IDI2: variants seen among roughly 807,000 people sequenced by gnomAD.
IDI2 encodes isopentenyl-diphosphate delta-isomerase 2.
A neutral mutation model predicts 14.8 loss-of-function variants in IDI2; 18 were observed. That is an observed-to-expected ratio of 1.22 (90% CI 0.84 to 1.80). The LOEUF is 1.80. Among genes scored for constraint, IDI2 ranks in the 40% most tolerant of loss-of-function variants. The pLI is 0.00. For missense variants in IDI2, 316 were observed against 283.2 expected, an observed-to-expected ratio of 1.12 and a Z score of -0.83; for synonymous variants, 133 against 109.6, an observed-to-expected ratio of 1.21 and a Z score of -1.33.
chr10:1,024,050 A>T (rs1369253232), intron 2 of IDI2, among the ~76,000 whole-genome samples: 1 of 152,262 alleles, frequency 6.6e-6, no homozygotes, highest in Non-Finnish European at 1.5e-5. Context: ...TTAAAGCAGG[A>T]AAGTCTGACT....
At chr10:1,020,706 C>T (rs577768215) in intron 4 of IDI2, 61 bp downstream of exon 4, 87 of 1,363,204 alleles carry the variant, frequency 6.4e-5, no homozygotes, top group African/African-American at 3.4e-4. Context: ...CTTTGTTCAC[C>T]GTCTGCCCGC....
intron 3 of IDI2, among the ~76,000 whole-genome samples, chr10:1,022,036 T>G (rs915989839): frequency 5.3e-5 from 8 of 152,266 alleles, no homozygotes; most frequent in African/African-American, 1.9e-4. Flanking sequence ...AAGACAGGCA[T>G]ATCACGAGGT....
At chr10:1,020,088 A>C (rs1292050012) in intron 4 of IDI2, among the ~76,000 whole-genome samples, 1 of 152,220 alleles carries the variant, frequency 6.6e-6, no homozygotes, top group Non-Finnish European at 1.5e-5. Flanking sequence ...TCACACACAC[A>C]TCCTCAACAG....
chr10:1,021,677 T>G (rs778522399), intron 3 of IDI2, among the ~76,000 whole-genome samples: 3 of 152,198 alleles, frequency 2.0e-5, no homozygotes, highest in Admixed American at 6.5e-5. Context: ...TTGACCCTCT[T>G]AACTTTGCAG....
In IDI2 at chr10:1,019,668, T is replaced by C. The variant is rs1485123098; in HGVS notation, c.533A>G (p.Glu178Gly). ...TKSILYLSQEELWELLEREAR... is the reference protein window; with the variant it reads ...TKSILYLSQEGLWELLEREAR... ...CTCCCTCTCCAGCAGCTCCCACAGC[T>C]CCTCCTGGGACAGGTAGAGGATGCT... The change falls in exon 5 of 5, where the codon GAG (glutamate) becomes GGG (glycine). Residue 178 changes from glutamate (E) to glycine (G), a missense_variant. By Grantham distance (98) the Glu-to-Gly change is moderately conservative. Coordinates refer to ENST00000277517, the MANE Select transcript of IDI2 (RefSeq NM_033261.3). The C allele has an allele frequency of 1.3e-5, 21 of 1,614,004 alleles. No individual in the cohort carries two copies. Among genetic ancestry groups the C allele is most frequent in the Non-Finnish European group, 1.7e-5 (20 of 1,179,992 alleles).
intron 4 of IDI2, 92 bp downstream of exon 4, chr10:1,020,675 A>T (rs557937881): frequency 4.6e-6 from 6 of 1,308,300 alleles, no homozygotes; most frequent in Non-Finnish European, 6.3e-6. Flanking sequence ...CATGAGGTCA[A>T]TGGTGTAGAT....
At chr10:1,021,342 G>A (rs549014410) in intron 3 of IDI2, among the ~76,000 whole-genome samples, 4 of 152,350 alleles carry the variant, frequency 2.6e-5, no homozygotes, top group African/African-American at 9.6e-5. Context: ...TGATCAGTGA[G>A]CATGGTTTCA....
In IDI2 at chr10:1,024,688, A is replaced by G; in HGVS notation, c.36T>C (p.Arg12=). The change falls in exon 2 of 5, where the codon CGT becomes CGC. Residue 12 remains arginine (R), a synonymous_variant. Coordinates refer to ENST00000277517, the MANE Select transcript of IDI2 (RefSeq NM_033261.3). The part of the protein sequence containing the change: ...SDINLDWVDR[R]QLQRLEEMLI... The stretch of plus-strand genomic sequence containing the variant: ...GCATTTCCTCCAAGCGCTGCAACTG[A>G]CGCCTGTCAACCCAGTCAAGATTTA... 6.2e-7 allele frequency: 1 copy of G among 1,614,112 alleles called. No homozygotes were observed. Among genetic ancestry groups the G allele is most frequent in the Non-Finnish European group, 8.5e-7 (1 of 1,180,016 alleles).
At chr10:1,023,489 AAAAG>A (rs1387114378) in intron 2 of IDI2, among the ~76,000 whole-genome samples, 2 of 152,084 alleles carry the variant, frequency 1.3e-5, no homozygotes, top group Admixed American at 6.6e-5. Flanking sequence ...AAAAAAAAAA[AAAAG>A]AAGAATGAAA....
Position 1,019,507 on chromosome 10 carries a change from T to TC in IDI2, c.*9dup, listed in dbSNP as rs762608638. On this transcript the variant is annotated 3_prime_UTR_variant, in exon 5 of 5. Coordinates refer to ENST00000277517, the MANE Select transcript of IDI2 (RefSeq NM_033261.3). ...GGCATTACACATGGCTGACTCGACC[T>TC]CCCTGCCTCTCACACTCTGTGTATT... 1.9e-5 allele frequency: 30 copies of TC among 1,605,358 alleles called. No homozygotes were observed. In the East Asian group the frequency reaches 6.7e-4, roughly 36 times the overall value.
intron 4 of IDI2, among the ~76,000 whole-genome samples, chr10:1,020,227 C>CTTTTTTTTTTTTT (rs67920739): frequency 1.4e-5 from 2 of 144,390 alleles, no homozygotes; most frequent in East Asian, 4.0e-4. Flanking sequence ...GAATTTCTTT[C>CTTTTTTTTTTTTT]TTTTTTTTTT....
chr10:1,020,862 A>T lies in IDI2; in HGVS notation c.271T>A (p.Tyr91Asn). Residue 91 changes from tyrosine to asparagine, a missense_variant, in exon 4 of 5, where the codon TAC (tyrosine) becomes AAC (asparagine). By Grantham distance (143) the Tyr-to-Asn change is moderately radical (BLOSUM62 -2). Transcript: ENST00000277517. ...FTDSCSSHPLYNPAELEEKDA... is the reference protein window; with the variant it reads ...FTDSCSSHPLNNPAELEEKDA... ...TTTTCTTCCAGTTCTGCTGGGTTGT[A>T]TAATGGGTGGCTACTACAGGAGTCG... 1 of 1,613,992 alleles carries T rather than the reference A, an allele frequency of 6.2e-7. No homozygotes were observed. Among genetic ancestry groups the T allele is most frequent in the Non-Finnish European group, 8.5e-7 (1 of 1,179,922 alleles).
intron 4 of IDI2, among the ~76,000 whole-genome samples, chr10:1,020,382 G>A (rs1832071147): frequency 6.6e-6 from 1 of 152,004 alleles, no homozygotes; most frequent in Non-Finnish European, 1.5e-5. Flanking sequence ...ATAGAGACGG[G>A]GTTTCACCAT....
At chr10:1,024,484 C>T (rs1370308849) in intron 2 of IDI2, 98 bp downstream of exon 2, 2 of 1,397,160 alleles carry the variant, frequency 1.4e-6, no homozygotes, top group Admixed American at 2.1e-5. Flanking sequence ...GTGGTCGCCT[C>T]CTAGCCGGAA....
In IDI2 at chr10:1,022,732, C is replaced by G. The variant is rs1489438802; in HGVS notation, c.186G>C (p.Lys62Asn). The change falls in exon 3 of 5, where the codon AAG becomes AAC. Residue 62 changes from lysine (K) to asparagine (N), a missense_variant. Transcript: ENST00000277517. ...RAFSVVLFNT[K>N]NRILIQQRSD... is the part of the protein sequence containing the mutation. ...ACCTCTGCTGTATCAGGATTCGATT[C>G]TTGGTGTTAAACAAGACAACGCTGA... 6.2e-7 allele frequency: 1 copy of G among 1,614,200 alleles called. No individual in the cohort carries two copies. The highest frequency in any genetic ancestry group is 1.7e-5 in the Admixed American group (1 of 60,036).
At position 1,019,279 on chromosome 10, in the gene IDI2, G is replaced by A. The variant is rs1832045907; in HGVS notation, c.*238C>T. ...CAAGTGCTTATAAAATGGAAATTGGGACAAAGGAAATGTTAAATTTCCTCC... is the reference window on the plus strand; with the variant it reads ...CAAGTGCTTATAAAATGGAAATTGGAACAAAGGAAATGTTAAATTTCCTCC... On this transcript the variant is annotated 3_prime_UTR_variant, in exon 5 of 5. Transcript: ENST00000277517. 4.2e-6 allele frequency: 2 copies of A among 477,682 alleles called. No individual in the cohort carries two copies. Among genetic ancestry groups the A allele is most frequent in the Admixed American group, 3.8e-5 (1 of 26,454 alleles). The allele number at this position is 477,682 out of a possible 1,614,324, so 29.6% of individuals were successfully genotyped here.
At chr10:1,021,327 G>A (rs903398346) in intron 3 of IDI2, among the ~76,000 whole-genome samples, 8 of 152,230 alleles carry the variant, frequency 5.3e-5, no homozygotes, top group African/African-American at 1.9e-4. Flanking sequence ...GCACTTTGAG[G>A]GTGGTGATCA....
At position 1,019,800 on chromosome 10, in the gene IDI2, T is replaced by TAAA. The variant is rs758543268; in HGVS notation, c.400_401insTTT (p.Ile133_Tyr134insPhe). The TAAA allele has an allele frequency of 6.2e-7, 1 of 1,614,094 alleles. No homozygotes were observed. Among genetic ancestry groups the TAAA allele is most frequent in the South Asian group, 1.1e-5 (1 of 91,084 alleles). On this transcript the variant is annotated inframe_insertion, in exon 5 of 5. Coordinates refer to ENST00000277517, the MANE Select transcript of IDI2 (RefSeq NM_033261.3). ...TCTGTCTGATTTTGCCTTGTGGTGA[T>TAAA]AGATTGTCATGAACACAATGTCCTC...
intron 4 of IDI2, 26 bp from the exon 5 acceptor site, chr10:1,019,860 TA>T (rs1362900227): frequency 2.0e-6 from 3 of 1,479,092 alleles, no homozygotes; most frequent in African/African-American, 2.8e-5. Flanking sequence ...GGTGCAGTGT[TA>T]ACAACGCTAA....
Sources: allele counts gnomAD v4.1 joint callset (sites outside exome capture counted in the v4.1 genomes callset), GRCh38; gene constraint gnomAD v4.1.1; transcripts MANE v1.5; gene names NCBI Gene and HGNC (gene_info 2026-07-23, HGNC 2026-07-21).